HIPK2: variants seen among roughly 807,000 people sequenced by gnomAD.
HIPK2 encodes homeodomain-interacting protein kinase 2.
In HIPK2, 27 loss-of-function variants were observed where a neutral mutation model predicts 113.7. The observed-to-expected ratio is 0.24, with a 90% confidence interval of 0.17 to 0.33. The LOEUF (loss-of-function observed/expected upper bound fraction) is 0.33, where lower values mean the gene tolerates loss of function less well. HIPK2 is among the 10% of genes least tolerant of loss of function. The probability of loss-of-function intolerance (pLI) is 1.00; values close to 1 mark genes in which losing one functional copy is unlikely to be tolerated. For synonymous variants in HIPK2, 631 were observed against 642.2 expected (o/e 0.98, Z 0.26); for missense variants, 1,257 against 1,588.0 (o/e 0.79, Z 3.54).
chr7:139,587,488 C>CAAAA (rs1213368741), intron 12 of HIPK2, among the ~76,000 whole-genome samples: 7 of 43,980 alleles, frequency 1.6e-4, no homozygotes, highest in Non-Finnish European at 2.3e-4. Flanking sequence ...GACTGTGTCT[C>CAAAA]AAAAAAAAAA....
At chr7:139,749,954 C>T (rs1464361854) in intron 1 of HIPK2, among the ~76,000 whole-genome samples, 1 of 152,224 alleles carries the variant, frequency 6.6e-6, no homozygotes, top group Admixed American at 6.5e-5. Context: ...TCTTCCCTAA[C>T]CTCTTCCCAC....
rs765154547 is a variant in HIPK2 at position 139,613,295 on chromosome 7, A to C, written c.2019T>G (p.Ala673=). 2.5e-6 allele frequency: 4 copies of C among 1,613,530 alleles called. No individual in the cohort carries two copies. Among genetic ancestry groups the C allele is most frequent in the Non-Finnish European group, 3.4e-6 (4 of 1,179,762 alleles). Residue 673 remains alanine, a synonymous_variant, in exon 9 of 15, where the codon GCT becomes GCG. Transcript: ENST00000406875. The surrounding 1 kb of genome is among the most constrained non-coding windows in gnomAD (Gnocchi z 4.2). ...CATTTTCCATTCGCACCGAGTAGCC[A>C]GCGTGCTTAGAGGGAGAGGCCTGCA... ...QGLQASPSKH[A]GYSVRMENAV...
At chr7:139,606,972 A>G (rs1348679770) in intron 9 of HIPK2, among the ~76,000 whole-genome samples, 1 of 152,248 alleles carries the variant, frequency 6.6e-6, no homozygotes, top group Non-Finnish European at 1.5e-5. Context: ...AAAATTTTCT[A>G]AAATCTATAA....
chr7:139,630,333 C>T lies in HIPK2; in HGVS notation c.1347+832G>A, dbSNP rs2116889835. On this transcript the variant is annotated intron_variant, in intron 4 of 14. Coordinates refer to ENST00000406875, the MANE Select transcript of HIPK2 (RefSeq NM_022740.5). The surrounding 1 kb of genome is among the most constrained non-coding windows in gnomAD (Gnocchi z 4.0). Reference sequence around the variant, plus strand: ...AGGCAGCCTCCTTTGCCTGGAACCCCTCTCCCTAACCCCCATCACCCCAGC... The same window carrying T: ...AGGCAGCCTCCTTTGCCTGGAACCCTTCTCCCTAACCCCCATCACCCCAGC... Among the ~76,000 whole-genome samples, 1 of 152,266 alleles carries T rather than the reference C, an allele frequency of 6.6e-6. No homozygotes were observed. Among genetic ancestry groups the T allele is most frequent in the East Asian group, 1.9e-4 (1 of 5,172 alleles).
chr7:139,604,154 T>C lies in HIPK2; in HGVS notation c.2182A>G (p.Thr728Ala). The C allele has an allele frequency of 6.2e-7, 1 of 1,613,982 alleles. No individual in the cohort carries two copies. Among genetic ancestry groups the C allele is most frequent in the South Asian group, 1.1e-5 (1 of 91,082 alleles). The change falls in exon 10 of 15, where the codon ACC becomes GCC. Residue 728 changes from threonine (T) to alanine (A), a missense_variant. By Grantham distance (58) the Thr-to-Ala change is moderately conservative (BLOSUM62 0). This residue lies in a region of HIPK2 where 862 missense variants were observed against 1,004.3 expected (regional missense o/e 0.86). Transcript: ENST00000406875. The stretch of plus-strand genomic sequence containing the variant: ...GTGGCATGCTGCACTGATGTGTGGG[T>C]GGCCACTCCAGTCAGTTGCTGCCAT... ...PAWQQLTGVA[T>A]HTSVQHATVI...
In HIPK2 at chr7:139,604,683, CAAAAAAAAAAAAAAAA is replaced by C. The variant is rs11353760; in HGVS notation, c.2113-476_2113-461del. Among the ~76,000 whole-genome samples, 8 of 48,802 alleles carry C rather than the reference CAAAAAAAAAAAAAAAA, an allele frequency of 1.6e-4. 1 individual carries two copies. In the South Asian group the frequency reaches 3.9e-3, roughly 24 times the overall value. The allele number at this position is 48,802 out of a possible 152,430, so 32.0% of individuals were successfully genotyped here. On this transcript the variant is annotated intron_variant, in intron 9 of 14. Coordinates refer to ENST00000406875, the MANE Select transcript of HIPK2 (RefSeq NM_022740.5). ...TGGGCGACAGAGCGAGACTCCGTCT[CAAAAAAAAAAAAAAAA>C]AAAAAAAAAAGAACATATATGAACT...
At chr7:139,769,295 C>T (rs1190112140) in intron 1 of HIPK2, among the ~76,000 whole-genome samples, 1 of 149,924 alleles carries the variant, frequency 6.7e-6, no homozygotes, top group Non-Finnish European at 1.5e-5. Context: ...TGGCCCACCT[C>T]CATCTCCACG....
Position 139,663,494 on chromosome 7 carries a change from C to CA in HIPK2, c.1104-31770dup, listed in dbSNP as rs559810857. On this transcript the variant is annotated intron_variant, in intron 2 of 14. Coordinates refer to ENST00000406875, the MANE Select transcript of HIPK2 (RefSeq NM_022740.5). ...CACTATACTGAAAATCCTTCAGAAA[C>CA]AAAAAAGAGCACCTCAGCTGTGTCT... 1.6e-4 allele frequency among the ~76,000 whole-genome samples: 25 copies of CA among 152,018 alleles called. No individual in the cohort carries two copies. In the East Asian group the frequency reaches 4.8e-3, roughly 29 times the overall value.
chr7:139,715,312 A>C (rs1585412026), intron 2 of HIPK2, among the ~76,000 whole-genome samples: 1 of 152,080 alleles, frequency 6.6e-6, no homozygotes, highest in African/African-American at 2.4e-5. Context: ...CACAGGAGCC[A>C]CCCAGCTGGC....
At chr7:139,760,120 A>G (rs1796440381) in intron 1 of HIPK2, among the ~76,000 whole-genome samples, 1 of 151,660 alleles carries the variant, frequency 6.6e-6, no homozygotes, top group Non-Finnish European at 1.5e-5. Context: ...CTCCTGCCTC[A>G]GCCTCCCGAG....
intron 1 of HIPK2, among the ~76,000 whole-genome samples, chr7:139,749,198 A>G (rs1366038399): frequency 1.3e-5 from 2 of 152,238 alleles, no homozygotes; most frequent in Non-Finnish European, 2.9e-5. Flanking sequence ...ACTCCTTAAC[A>G]TACTGCTGGA....
intron 5 of HIPK2, among the ~76,000 whole-genome samples, chr7:139,627,836 T>TGA (rs947087775): frequency 6.6e-6 from 1 of 152,206 alleles, no homozygotes; most frequent in Non-Finnish European, 1.5e-5. Flanking sequence ...GGCACAAAGG[T>TGA]GAGAGCCTGC....
intron 2 of HIPK2, among the ~76,000 whole-genome samples, chr7:139,674,480 A>G (rs1802423421): frequency 6.6e-6 from 1 of 152,212 alleles, no homozygotes; most frequent in Admixed American, 6.5e-5. Context: ...TGAAAGAGCA[A>G]GGTTTTAAAC....
intron 14 of HIPK2, among the ~76,000 whole-genome samples, chr7:139,574,493 A>G (rs1391740893): frequency 6.6e-6 from 1 of 152,212 alleles, no homozygotes; most frequent in East Asian, 1.9e-4. Flanking sequence ...GGCTCCACTG[A>G]TGACCTGGGG....
At position 139,614,276 on chromosome 7, in the gene HIPK2, T is replaced by C; in HGVS notation, c.1990+10A>G. The stretch of plus-strand genomic sequence containing the variant: ...GAAGCAGGTGAGAGGCTGTGGCTGC[T>C]CAATCTTACCTTGGAAGCCGGGGGG... On this transcript the variant is annotated intron_variant, in intron 8 of 14. Transcript: ENST00000406875. 3 of 1,462,292 alleles carry C rather than the reference T, an allele frequency of 2.1e-6. No homozygotes were observed. The highest frequency in any genetic ancestry group is 2.7e-6 in the Non-Finnish European group (3 of 1,092,618). The allele number at this position is 1,462,292 out of a possible 1,614,324, so 90.6% of individuals were successfully genotyped here.
At chr7:139,745,862 A>G (rs886275004) in intron 1 of HIPK2, among the ~76,000 whole-genome samples, 1 of 152,194 alleles carries the variant, frequency 6.6e-6, no homozygotes, top group East Asian at 1.9e-4. Context: ...TGAGAGGTCA[A>G]TCCTACCCAC....
At chr7:139,655,135 G>A (rs1343746700) in intron 2 of HIPK2, among the ~76,000 whole-genome samples, 1 of 152,226 alleles carries the variant, frequency 6.6e-6, no homozygotes, top group African/African-American at 2.4e-5. Flanking sequence ...GCCTGGAGCT[G>A]AGTATTGATG....
chr7:139,764,520 T>C (rs1186496494), intron 1 of HIPK2, among the ~76,000 whole-genome samples: 1 of 152,192 alleles, frequency 6.6e-6, no homozygotes, highest in Non-Finnish European at 1.5e-5. Context: ...TTTATGGAAA[T>C]AAAGAATTCC....
chr7:139,670,265 A>G (rs936033251), intron 2 of HIPK2, among the ~76,000 whole-genome samples: 3 of 152,066 alleles, frequency 2.0e-5, no homozygotes, highest in Non-Finnish European at 4.4e-5. Context: ...GATTCTGGAC[A>G]TTGCCACCCA....
Sources: allele counts gnomAD v4.1 joint callset (sites outside exome capture counted in the v4.1 genomes callset), GRCh38; gene constraint gnomAD v4.1.1; regional missense constraint gnomAD v4.1.1; non-coding constraint Gnocchi (gnomAD v3.1); transcripts MANE v1.5; gene names NCBI Gene and HGNC (gene_info 2026-07-23, HGNC 2026-07-21).